FAM81A: variants seen among roughly 807,000 people sequenced by gnomAD.
FAM81A encodes the protein protein FAM81A.
A neutral mutation model predicts 46.7 loss-of-function variants in FAM81A; 19 were observed. The observed-to-expected ratio is 0.41, with a 90% CI of 0.28 to 0.60. FAM81A has a LOEUF of 0.60. Ranked by LOEUF, FAM81A falls within the 20% of genes least tolerant of loss-of-function variation. The pLI is 0.34. For missense variants in FAM81A, 377 were observed against 453.5 expected (o/e 0.83, Z 1.53); for synonymous variants, 183 against 152.9 (o/e 1.20, Z -1.45).
In FAM81A at chr15:59,460,047, C is replaced by T. The variant is rs374956218; in HGVS notation, c.135C>T (p.Ala45=). 2.0e-5 allele frequency: 33 copies of T among 1,613,828 alleles called. No individual in the cohort carries two copies. Among genetic ancestry groups the T allele is most frequent in the Admixed American group, 5.0e-5 (3 of 59,994 alleles). The change falls in exon 3 of 9, where the codon GCC becomes GCT. Residue 45 remains alanine (A), a synonymous_variant. Transcript: ENST00000288228. This position sits in a 1 kb window ranked among gnomAD's most constrained non-coding sequence, Gnocchi z 4.4. Reference sequence around the variant, plus strand: ...TCCTCTGCCATGAGAAAACCACCGCCGCCCTCGTAGAGCACGCCTTTCGGA... The same window carrying T: ...TCCTCTGCCATGAGAAAACCACCGCTGCCCTCGTAGAGCACGCCTTTCGGA... ...DRILCHEKTT[A]ALVEHAFRIK...
At chr15:59,440,231 C>G (rs1398920856) in intron 1 of FAM81A, 2 of 151,918 alleles carry the variant, frequency 1.3e-5, no homozygotes, top group Non-Finnish European at 2.9e-5. Flanking sequence ...AAAACTTGGT[C>G]TTTAGACTCT....
intron 2 of FAM81A, among the ~76,000 whole-genome samples, chr15:59,406,473 C>T (rs2081095291): frequency 6.6e-6 from 1 of 152,178 alleles, no homozygotes; most frequent in Non-Finnish European, 1.5e-5. Context: ...CAGTTACCTA[C>T]ACTAACTTTA....
intron 3 of FAM81A, among the ~76,000 whole-genome samples, chr15:59,471,585 C>CT (rs1403832418): frequency 1.4e-4 from 22 of 152,106 alleles, no homozygotes; most frequent in African/African-American, 4.8e-4. Flanking sequence ...ACTTCAGCCT[C>CT]TAAGTAGCTG....
intron 3 of FAM81A, among the ~76,000 whole-genome samples, chr15:59,477,171 C>T (rs1320089250): frequency 6.6e-6 from 1 of 150,402 alleles, no homozygotes; most frequent in Admixed American, 6.6e-5. Flanking sequence ...AACAAAATAA[C>T]CTCATACTTG....
intron 1 of FAM81A, among the ~76,000 whole-genome samples, chr15:59,456,744 T>G (rs1391130829): frequency 2.6e-5 from 4 of 151,978 alleles, no homozygotes; most frequent in African/African-American, 9.7e-5. Context: ...CCTGGCTAAT[T>G]TTTGTATTTT....
chr15:59,499,748 C>G (rs914308019), intron 4 of FAM81A, among the ~76,000 whole-genome samples: 1 of 151,862 alleles, frequency 6.6e-6, no homozygotes. Context: ...GCCTTGTGGT[C>G]TCAATTATTT....
intron 8 of FAM81A, among the ~76,000 whole-genome samples, chr15:59,520,146 T>C (rs751894507): frequency 1.3e-5 from 2 of 152,112 alleles, no homozygotes; most frequent in African/African-American, 2.4e-5. Flanking sequence ...GTTAGTGTAT[T>C]TGTATTGCCC....
chr15:59,489,019 A>T (rs943166208), intron 3 of FAM81A, among the ~76,000 whole-genome samples: 6 of 152,170 alleles, frequency 3.9e-5, no homozygotes, highest in African/African-American at 1.4e-4. Flanking sequence ...TAATCCCAGC[A>T]CTTTGGGAGG....
chr15:59,522,879 T>C lies in FAM81A; in HGVS notation c.*1501T>C, dbSNP rs1347222906. On this transcript the variant is annotated 3_prime_UTR_variant, in exon 9 of 9. Coordinates refer to ENST00000288228, the MANE Select transcript of FAM81A (RefSeq NM_152450.3). ...GTCAATGGCTTGACAATTTTTTTTT[T>C]CAAATTTGGACATGAGAGGTTATAT... The C allele has an allele frequency of 6.6e-6, 1 of 152,634 alleles. No individual in the cohort carries two copies. Among genetic ancestry groups the C allele is most frequent in the East Asian group, 1.9e-4 (1 of 5,204 alleles). 9.5% of individuals were successfully genotyped at this position (152,634 alleles called of 1,614,324 possible).
At chr15:59,485,431 T>G (rs1466883571) in intron 3 of FAM81A, among the ~76,000 whole-genome samples, 1 of 152,182 alleles carries the variant, frequency 6.6e-6, no homozygotes, top group African/African-American at 2.4e-5. Flanking sequence ...AAGACTTTGC[T>G]TGTTTGGGAG....
At chr15:59,451,137 T>A (rs2081413722) in intron 1 of FAM81A, among the ~76,000 whole-genome samples, 1 of 152,198 alleles carries the variant, frequency 6.6e-6, no homozygotes, top group South Asian at 2.1e-4. Flanking sequence ...GTTAGGGTGA[T>A]CAGAGATTAT....
intron 5 of FAM81A, among the ~76,000 whole-genome samples, chr15:59,508,461 A>G (rs879470851): frequency 3.3e-5 from 5 of 152,190 alleles, no homozygotes; most frequent in Non-Finnish European, 5.9e-5. Context: ...CTTGTTATGG[A>G]GGTAAATCTG....
intron 4 of FAM81A, among the ~76,000 whole-genome samples, chr15:59,499,374 A>G (rs1596532173): frequency 6.6e-6 from 1 of 152,108 alleles, no homozygotes; most frequent in East Asian, 1.9e-4. Context: ...ACATTGTTCT[A>G]TGTATGTAAC....
At chr15:59,413,417 AAC>A (rs535000983) in intron 2 of FAM81A, among the ~76,000 whole-genome samples, 11,187 of 134,076 alleles carry the variant, frequency 0.083, 393 homozygotes, top group African/African-American at 0.1. Flanking sequence ...GAGAGCATTA[AAC>A]ACACACACAC....
At chr15:59,410,242 G>A (rs754360928) in intron 2 of FAM81A, among the ~76,000 whole-genome samples, 1 of 152,096 alleles carries the variant, frequency 6.6e-6, no homozygotes, top group African/African-American at 2.4e-5. Flanking sequence ...GTTGCAGTGA[G>A]TTGAGATTGC....
chr15:59,403,701 T>G (rs2081081807), intron 2 of FAM81A, among the ~76,000 whole-genome samples: 1 of 151,746 alleles, frequency 6.6e-6, no homozygotes, highest in Admixed American at 6.6e-5. Flanking sequence ...TGGTTAGAGT[T>G]GAAGAGATGT....
intron 6 of FAM81A, among the ~76,000 whole-genome samples, chr15:59,512,018 A>C (rs2082215601): frequency 6.6e-6 from 1 of 152,222 alleles, no homozygotes; most frequent in Admixed American, 6.5e-5. Flanking sequence ...TCAACAGAAG[A>C]CTGGATAAGC....
At chr15:59,414,839 G>C (rs1317599329) in intron 2 of FAM81A, among the ~76,000 whole-genome samples, 1 of 151,004 alleles carries the variant, frequency 6.6e-6, no homozygotes, top group African/African-American at 2.4e-5. Context: ...TTTTTGAGAT[G>C]GAGTCTCGCT....
chr15:59,441,994 G>T (rs145808327), intron 1 of FAM81A, among the ~76,000 whole-genome samples: 360 of 152,368 alleles, frequency 2.4e-3, no homozygotes, highest in African/African-American at 8.2e-3. Context: ...GTGAGGCAGA[G>T]ACTCTGATTA....
Sources: allele counts gnomAD v4.1 joint callset (sites outside exome capture counted in the v4.1 genomes callset), GRCh38; gene constraint gnomAD v4.1.1; non-coding constraint Gnocchi (gnomAD v3.1); transcripts MANE v1.5; gene names NCBI Gene and HGNC (gene_info 2026-07-23, HGNC 2026-07-21).